The following RPS29 variants were observed in gnomAD, a reference collection of about 807,000 sequenced individuals.
RPS29 encodes the protein small ribosomal subunit protein uS14.
For missense variants in RPS29, 60 were observed against 75.7 expected (o/e 0.79, Z 0.77); for synonymous variants, 37 against 26.9 (o/e 1.37, Z -1.16).
In RPS29 at chr14:49,586,351, C is replaced by T. The variant is rs1199507499; in HGVS notation, c.-5G>A. ...GTACAGCTGCTGGTGACCCATCTTG[C>T]TCTCAGCAGTGCAACGAGGTAAAAG... On this transcript the variant is annotated 5_prime_UTR_variant, in exon 1 of 3. Transcript: ENST00000245458. 9 of 1,613,742 alleles carry T rather than the reference C, an allele frequency of 5.6e-6. No individual in the cohort carries two copies. The highest frequency in any genetic ancestry group is 1.7e-4 in the Middle Eastern group (1 of 6,056).
intron 1 of RPS29, among the ~76,000 whole-genome samples, chr14:49,596,035 G>GGGA (rs1881815186): frequency 6.7e-6 from 1 of 150,326 alleles, no homozygotes; most frequent in African/African-American, 2.4e-5. Context: ...GAGGGAGGGA[G>GGGA]GGAGGGAGGG....
intron 1 of RPS29, among the ~76,000 whole-genome samples, chr14:49,594,934 C>T (rs1881787335): frequency 6.6e-6 from 1 of 152,164 alleles, no homozygotes; most frequent in South Asian, 2.1e-4. Context: ...AGAACTCTTG[C>T]TTCTGTTTCC....
downstream of RPS29, among the ~76,000 whole-genome samples, chr14:49,582,995 TA>T (rs1422672163): frequency 6.6e-6 from 1 of 152,204 alleles, no homozygotes; most frequent in Non-Finnish European, 1.5e-5. Flanking sequence ...AACATATATG[TA>T]TATAAATTCC....
upstream of RPS29, among the ~76,000 whole-genome samples, chr14:49,589,173 G>A (rs531398578): frequency 1.2e-4 from 18 of 152,182 alleles, no homozygotes; most frequent in East Asian, 3.5e-3. Context: ...GATTACAGGC[G>A]TGAGCCATCT....
chr14:49,583,449 T>C (rs1385215534), downstream of RPS29: 3 of 403,278 alleles, frequency 7.4e-6, no homozygotes, highest in Non-Finnish European at 1.4e-5. Flanking sequence ...TAGGTTGCAG[T>C]GAGCCGAGAT....
At chr14:49,585,902 A>C in intron 2 of RPS29, 48 bp downstream of exon 2, 1 of 1,469,462 alleles carries the variant, frequency 6.8e-7, no homozygotes, top group East Asian at 2.3e-5. Flanking sequence ...AATAACCCCC[A>C]CAACCTTCTC....
At chr14:49,588,688 C>A (rs1477747084), upstream of RPS29, among the ~76,000 whole-genome samples, 1 of 151,246 alleles carries the variant, frequency 6.6e-6, no homozygotes, top group African/African-American at 2.4e-5. Flanking sequence ...CCACCACACC[C>A]GTCTAATTTT....
Position 49,586,340 on chromosome 14 carries a change from G to A in RPS29, c.7C>T (p.His3Tyr), listed in dbSNP as rs769742652. Residue 3 changes from histidine to tyrosine, a missense_variant, in exon 1 of 3, where the codon CAC (histidine) becomes TAC (tyrosine). His to Tyr is a moderately conservative substitution (Grantham distance 83, BLOSUM62 2). Transcript: ENST00000245458. The stretch of plus-strand genomic sequence containing the variant: ...GGGTGGCTCCAGTACAGCTGCTGGT[G>A]ACCCATCTTGCTCTCAGCAGTGCAA... The part of the protein sequence containing the change: MG[H>Y]QQLYWSHPRK... The A allele has an allele frequency of 2.4e-5, 39 of 1,613,708 alleles. No homozygotes were observed. The highest frequency in any genetic ancestry group is 2.8e-5 in the Non-Finnish European group (33 of 1,179,716).
downstream of RPS29, among the ~76,000 whole-genome samples, chr14:49,580,108 C>A (rs558713117): frequency 4.9e-4 from 75 of 152,302 alleles, no homozygotes; most frequent in African/African-American, 1.8e-3. Flanking sequence ...TAAGGCACTG[C>A]ACGTCTCTTA....
At chr14:49,582,660 T>C (rs909121285), downstream of RPS29, among the ~76,000 whole-genome samples, 8 of 152,238 alleles carry the variant, frequency 5.3e-5, no homozygotes, top group African/African-American at 1.7e-4. Context: ...AACAGTACTT[T>C]CCAAACTTGG....
At chr14:49,583,547 C>T, downstream of RPS29, 2 of 1,019,246 alleles carry the variant, frequency 2.0e-6, no homozygotes, top group Non-Finnish European at 2.9e-6. Context: ...TTAGCTATTC[C>T]AGTCACATTA....
At chr14:49,586,730 C>T (rs932991539), upstream of RPS29, 3 of 239,740 alleles carry the variant, frequency 1.3e-5, no homozygotes, top group East Asian at 2.7e-4. Context: ...CTCCCGGGAG[C>T]GGGGGACCAC....
At chr14:49,585,577 T>C (rs1343627634) in intron 2 of RPS29, 2 of 324,892 alleles carry the variant, frequency 6.2e-6, no homozygotes, top group South Asian at 9.6e-5. Flanking sequence ...AGGGAGACCC[T>C]ATCTCTAAAA....
In RPS29 at chr14:49,576,656, A is replaced by G. The variant is rs1407355607; in HGVS notation, c.*1156T>C. On this transcript the variant is annotated 3_prime_UTR_variant, in exon 3 of 3. Transcript: ENST00000396020. ...GGTTTGTGGGCTGTGTCCCCACCCA[A>G]ATCTCATCTTGAATTGTACTCGCAT... 15 of 152,246 alleles carry G rather than the reference A, an allele frequency of 9.9e-5. No individual in the cohort carries two copies. The East Asian group carries it at 2.9e-3, about 29-fold the overall frequency. The allele number at this position is 152,246 out of a possible 1,614,324, so 9.4% of individuals were successfully genotyped here. A position where few individuals can be genotyped will look rare whatever the true frequency, so the allele number is the denominator to read the frequency against.
exon 3 of RPS29, chr14:49,573,184 A>T (rs942346062): frequency 6.6e-6 from 1 of 152,022 alleles, no homozygotes; most frequent in African/African-American, 2.4e-5. Flanking sequence ...AAATAAAAAA[A>T]TAGGCTGGGC....
At chr14:49,586,396 T>C (rs754488083), upstream of RPS29, 54 of 1,525,950 alleles carry the variant, frequency 3.5e-5, no homozygotes, top group Non-Finnish European at 4.7e-5. Context: ...GGCCCACGCA[T>C]GCGCTCTTCA....
chr14:49,583,324 G>A (rs778135446), downstream of RPS29, among the ~76,000 whole-genome samples: 1 of 152,124 alleles, frequency 6.6e-6, no homozygotes, highest in African/African-American at 2.4e-5. Context: ...CCCAAGGCGA[G>A]CAGATCACGA....
chr14:49,588,814 C>G (rs1333477618), upstream of RPS29, among the ~76,000 whole-genome samples: 5 of 151,690 alleles, frequency 3.3e-5, no homozygotes, highest in Admixed American at 1.3e-4. Context: ...CAGGAGTGAG[C>G]CACCACGCCC....
chr14:49,593,233 T>C (rs1232471633), intron 1 of RPS29, among the ~76,000 whole-genome samples: 1 of 152,220 alleles, frequency 6.6e-6, no homozygotes. Flanking sequence ...CAAATATGCA[T>C]TGAGTACCGA....
Sources: allele counts gnomAD v4.1 joint callset (sites outside exome capture counted in the v4.1 genomes callset), GRCh38; gene constraint gnomAD v4.1.1; transcripts MANE v1.5; gene names NCBI Gene and HGNC (gene_info 2026-07-23, HGNC 2026-07-21).